The following PTPRD variants were observed in gnomAD, a reference collection of about 807,000 sequenced individuals.
The protein encoded by PTPRD is protein tyrosine phosphatase receptor type D.
In PTPRD, 34 loss-of-function variants were observed where a neutral mutation model predicts 214.5. The ratio of observed to expected loss-of-function variants is 0.16; its 90% CI spans 0.12 to 0.21. The LOEUF (loss-of-function observed/expected upper bound fraction) is 0.21. PTPRD is among the 10% of genes least tolerant of loss of function. The pLI is 1.00. For missense variants in PTPRD, 2,545 were observed against 2,398.7 expected, an observed-to-expected ratio of 1.06 and a Z score of -1.27; for synonymous variants, 1,128 against 845.7, an observed-to-expected ratio of 1.33 and a Z score of -5.79.
intron 3 of PTPRD, among the ~76,000 whole-genome samples, chr9:10,257,826 T>C (rs10217711): frequency 0.38 from 58,214 of 152,030 alleles, 13,234 homozygotes; most frequent in Non-Finnish European, 0.51. Flanking sequence ...CCAACTAAAA[T>C]GTTAAGATGC....
chr9:10,159,481 A>T (rs1389362824), intron 3 of PTPRD, among the ~76,000 whole-genome samples: 2 of 152,134 alleles, frequency 1.3e-5, no homozygotes, highest in South Asian at 4.1e-4. Context: ...AAATAACAGC[A>T]AATAGAAAAC....
intron 10 of PTPRD, among the ~76,000 whole-genome samples, chr9:9,037,409 G>C (rs2099625413): frequency 6.6e-6 from 1 of 152,128 alleles, no homozygotes; most frequent in African/African-American, 2.4e-5. Context: ...TCACCTTAAT[G>C]TTTCAACCAT....
intron 4 of PTPRD, among the ~76,000 whole-genome samples, chr9:9,944,483 T>G (rs879452351): frequency 5.3e-5 from 8 of 152,082 alleles, no homozygotes; most frequent in Admixed American, 3.9e-4. Context: ...GTACAAAAAT[T>G]AAATAAGATT....
chr9:9,037,207 G>A (rs1370723446), intron 10 of PTPRD, among the ~76,000 whole-genome samples: 1 of 152,084 alleles, frequency 6.6e-6, no homozygotes, highest in Non-Finnish European at 1.5e-5. Context: ...AGTTGGAAAG[G>A]ATTTTAGAGA....
intron 11 of PTPRD, among the ~76,000 whole-genome samples, chr9:8,877,104 T>C (rs562059215): frequency 1.9e-3 from 288 of 152,150 alleles, no homozygotes; most frequent in Non-Finnish European, 3.4e-3. Context: ...TTTTTGTATT[T>C]TTAGTAGAGA....
At chr9:9,717,604 G>T (rs1343024616) in intron 7 of PTPRD, among the ~76,000 whole-genome samples, 2 of 152,166 alleles carry the variant, frequency 1.3e-5, no homozygotes, top group South Asian at 2.1e-4. Flanking sequence ...TGGAAGGAAT[G>T]ATTCAAAACA....
intron 4 of PTPRD, among the ~76,000 whole-genome samples, chr9:9,954,917 A>G (rs1239529722): frequency 1.3e-5 from 2 of 152,148 alleles, no homozygotes; most frequent in Admixed American, 6.5e-5. Context: ...CGAACAAACA[A>G]AACTCAGTTT....
intron 36 of PTPRD, among the ~76,000 whole-genome samples, chr9:8,390,389 A>G (rs1165254809): frequency 1.3e-5 from 2 of 151,910 alleles, no homozygotes; most frequent in African/African-American, 4.8e-5. Context: ...CCTTAGCTCA[A>G]TCCACATCCT....
chr9:9,775,448 T>C (rs538530930), intron 5 of PTPRD, among the ~76,000 whole-genome samples: 44 of 152,282 alleles, frequency 2.9e-4, no homozygotes, highest in Admixed American at 2.9e-3. Flanking sequence ...CATCATAGAA[T>C]AAAATAATTA....
chr9:10,051,297 A>C (rs1486854211), intron 3 of PTPRD, among the ~76,000 whole-genome samples: 1 of 152,164 alleles, frequency 6.6e-6, no homozygotes, highest in Admixed American at 6.5e-5. Flanking sequence ...TATTTTTTAA[A>C]GTATTAGAAA....
At chr9:10,370,283 T>C (rs1393234181) in intron 2 of PTPRD, among the ~76,000 whole-genome samples, 2 of 152,108 alleles carry the variant, frequency 1.3e-5, no homozygotes, top group Non-Finnish European at 2.9e-5. Context: ...AAGGAAGTAT[T>C]AGAACGCATG....
chr9:10,174,085 A>G (rs1356451019), intron 3 of PTPRD, among the ~76,000 whole-genome samples: 2 of 152,138 alleles, frequency 1.3e-5, no homozygotes, highest in Admixed American at 1.3e-4. Context: ...AATTAAGACA[A>G]TTTGCCTAAT....
chr9:9,570,761 T>C (rs1200712471), intron 8 of PTPRD, among the ~76,000 whole-genome samples: 1 of 151,488 alleles, frequency 6.6e-6, no homozygotes, highest in East Asian at 1.9e-4. Flanking sequence ...TTCATCATGT[T>C]TGGCTACCTA....
chr9:9,920,248 C>G (rs1429384973), intron 5 of PTPRD, among the ~76,000 whole-genome samples: 4 of 152,054 alleles, frequency 2.6e-5, no homozygotes, highest in African/African-American at 7.2e-5. Flanking sequence ...TTTTTGTGGT[C>G]TGGATAATTT....
intron 2 of PTPRD, among the ~76,000 whole-genome samples, chr9:10,541,975 T>A (rs771836430): frequency 6.6e-6 from 1 of 152,124 alleles, no homozygotes; most frequent in East Asian, 1.9e-4. Flanking sequence ...GTTAAGGTAT[T>A]TGTACCCTAA....
At chr9:8,903,647 A>G (rs951756296) in intron 11 of PTPRD, among the ~76,000 whole-genome samples, 1 of 152,222 alleles carries the variant, frequency 6.6e-6, no homozygotes, top group South Asian at 2.1e-4. Context: ...ACGAATAAAA[A>G]TATTTCAATG....
chr9:8,776,625 ATGG>A (rs2095488240), intron 11 of PTPRD, among the ~76,000 whole-genome samples: 2 of 151,990 alleles, frequency 1.3e-5, no homozygotes, highest in Non-Finnish European at 2.9e-5. Context: ...GAAAGCAATG[ATGG>A]GGGTGATCCA....
intron 9 of PTPRD, among the ~76,000 whole-genome samples, chr9:9,373,453 C>T (rs2060044619): frequency 6.6e-6 from 1 of 152,060 alleles, no homozygotes; most frequent in Non-Finnish European, 1.5e-5. Flanking sequence ...ATAGAAATTA[C>T]AATTCTAGAG....
chr9:8,903,997 A>C (rs1336576593), intron 11 of PTPRD, among the ~76,000 whole-genome samples: 1 of 152,210 alleles, frequency 6.6e-6, no homozygotes, highest in Non-Finnish European at 1.5e-5. Flanking sequence ...TTATGATATT[A>C]TGATTCGATT....
Sources: allele counts gnomAD v4.1 joint callset (sites outside exome capture counted in the v4.1 genomes callset), GRCh38; gene constraint gnomAD v4.1.1; transcripts MANE v1.5; gene names NCBI Gene and HGNC (gene_info 2026-07-23, HGNC 2026-07-21).